The following CASP2 variants were observed in gnomAD, a reference collection of about 807,000 sequenced individuals.
CASP2 encodes the protein caspase 2, also known as caspase-2.
Under a neutral mutation model 54.4 loss-of-function variants are expected in CASP2, and 38 were observed. That is an observed-to-expected ratio of 0.70 (90% CI 0.54 to 0.92). The LOEUF (loss-of-function observed/expected upper bound fraction) is 0.92. Ranked by LOEUF, CASP2 falls within the 40% of genes least tolerant of loss-of-function variation. The pLI is 0.00. For synonymous variants in CASP2, 215 were observed against 216.3 expected (o/e 0.99, Z 0.05); for missense variants, 512 against 579.6 (o/e 0.88, Z 1.20).
At chr7:143,300,351 G>GCT in intron 8 of CASP2, 57 bp downstream of exon 8, 1 of 1,607,422 alleles carries the variant, frequency 6.2e-7, no homozygotes, top group South Asian at 1.1e-5. Flanking sequence ...CCTCCCACCA[G>GCT]CTCTCACTTT....
rs765842204 is a variant in CASP2 at position 143,291,709 on chromosome 7, G to A, written c.225+19G>A. The A allele has an allele frequency of 1.3e-5, 21 of 1,583,678 alleles. No homozygotes were observed. In the South Asian group the frequency reaches 2.3e-4, roughly 17 times the overall value. ...CATCCAGGTATCTGGAGGCAAAAGA[G>A]AGAAGATAAATTGATCATGGGGTGG... On this transcript the variant is annotated intron_variant, in intron 2 of 10. Coordinates refer to ENST00000310447, the MANE Select transcript of CASP2 (RefSeq NM_032982.4).
At chr7:143,304,806 C>T (rs775320685) in intron 10 of CASP2, 23 bp downstream of exon 10, 2 of 1,605,418 alleles carry the variant, frequency 1.2e-6, no homozygotes, top group Non-Finnish European at 1.7e-6. Flanking sequence ...GCTCCGTGAC[C>T]CCTGTGTGTC....
intron 6 of CASP2, among the ~76,000 whole-genome samples, chr7:143,297,698 C>T (rs562426969): frequency 9.2e-5 from 14 of 152,344 alleles, no homozygotes; most frequent in African/African-American, 2.6e-4. Context: ...CCACCCGCCT[C>T]GGCCTCCCGA....
intron 8 of CASP2, 44 bp from the exon 9 acceptor site, chr7:143,303,740 G>A (rs1196284158): frequency 6.3e-7 from 1 of 1,598,672 alleles, no homozygotes; most frequent in Non-Finnish European, 8.6e-7. Flanking sequence ...AAGAGAGATA[G>A]GAAGAAGTAA....
At chr7:143,299,602 G>A (rs1801854818) in intron 6 of CASP2, among the ~76,000 whole-genome samples, 1 of 152,164 alleles carries the variant, frequency 6.6e-6, no homozygotes, top group South Asian at 2.1e-4. Flanking sequence ...GAAGGATCTG[G>A]TTATGAACAG....
At chr7:143,299,229 A>AT (rs1034254272) in intron 6 of CASP2, among the ~76,000 whole-genome samples, 7 of 151,488 alleles carry the variant, frequency 4.6e-5, no homozygotes, top group Non-Finnish European at 8.8e-5. Flanking sequence ...TATCCTCATA[A>AT]TTTTTTTTTA....
At chr7:143,291,382 C>T (rs1048821991) in intron 1 of CASP2, among the ~76,000 whole-genome samples, 158 bp from the exon 2 acceptor site, 1 of 152,188 alleles carries the variant, frequency 6.6e-6, no homozygotes, top group African/African-American at 2.4e-5. Context: ...TGTGTTCCTG[C>T]TTAGTACATC....
chr7:143,288,479 T>G lies in CASP2; in HGVS notation c.24T>G (p.Ser8=), dbSNP rs1217692798. 1 of 1,613,294 alleles carries G rather than the reference T, an allele frequency of 6.2e-7. No individual in the cohort carries two copies. MAAPSAG[S]WSTFQHKELM... ...AAATGGCGGCGCCGAGCGCGGGGTC[T>G]TGGTCCACCTTCCAGCACAAGGAGC... Residue 8 remains serine (S), a synonymous_variant, in exon 1 of 11, where the codon TCT becomes TCG. Coordinates refer to ENST00000310447, the MANE Select transcript of CASP2 (RefSeq NM_032982.4).
intron 6 of CASP2, among the ~76,000 whole-genome samples, chr7:143,295,627 A>G (rs1586459750): frequency 1.3e-5 from 2 of 152,282 alleles, no homozygotes; most frequent in South Asian, 4.1e-4. Context: ...ATCTGTTGGG[A>G]TAGAGGATCT....
intron 8 of CASP2, chr7:143,301,848 CTG>C (rs747390259): frequency 7.2e-5 from 11 of 152,266 alleles, no homozygotes; most frequent in Non-Finnish European, 1.3e-4. Flanking sequence ...TTAGTCATAA[CTG>C]AGGTTTTGGA....
At chr7:143,294,445 G>A in intron 5 of CASP2, 121 bp downstream of exon 5, 1 of 1,021,374 alleles carries the variant, frequency 9.8e-7, no homozygotes, top group Non-Finnish European at 1.5e-6. Flanking sequence ...AGTTGTTACT[G>A]GTTAAATGCC....
In CASP2 at chr7:143,288,408, G is replaced by A; in HGVS notation, c.-48G>A. On this transcript the variant is annotated 5_prime_UTR_variant, in exon 1 of 11. Transcript: ENST00000310447. ...TGGGGGAAGCGACGGCCCCCGGTTT[G>A]TTTGGGCTGTGGGCGGTGCGCAGCG... 3.8e-6 allele frequency: 6 copies of A among 1,593,900 alleles called. No homozygotes were observed. The highest frequency in any genetic ancestry group is 5.2e-6 in the Non-Finnish European group (6 of 1,164,640).
At chr7:143,303,205 T>C (rs1801966158) in intron 8 of CASP2, 1 of 152,184 alleles carries the variant, frequency 6.6e-6, no homozygotes, top group Non-Finnish European at 1.5e-5. Flanking sequence ...ATGAAATTAA[T>C]AAACATAGTG....
At position 143,288,493 on chromosome 7, in the gene CASP2, A is replaced by C; in HGVS notation, c.38A>C (p.Gln13Pro). Reference sequence around the variant, plus strand: ...AGCGCGGGGTCTTGGTCCACCTTCCAGCACAAGGAGCTGATGGCCGCTGAC... The same window carrying C: ...AGCGCGGGGTCTTGGTCCACCTTCCCGCACAAGGAGCTGATGGCCGCTGAC... ...APSAGSWSTF[Q>P]HKELMAADRG... Residue 13 changes from glutamine (Q) to proline (P), a missense_variant, in exon 1 of 11, where the codon CAG (glutamine) becomes CCG (proline). Physicochemically the swap from Gln to Pro is moderately conservative, Grantham distance 76. Transcript: ENST00000310447. The C allele has an allele frequency of 6.2e-7, 1 of 1,613,422 alleles. No individual in the cohort carries two copies. Among genetic ancestry groups the C allele is most frequent in the Middle Eastern group, 1.7e-4 (1 of 5,794 alleles).
chr7:143,300,254 GA>G lies in CASP2; in HGVS notation c.929del (p.Asn310ThrfsTer47). The G allele has an allele frequency of 6.2e-7, 1 of 1,614,128 alleles. No individual in the cohort carries two copies. Among genetic ancestry groups the G allele is most frequent in the Non-Finnish European group, 8.5e-7 (1 of 1,180,036 alleles). ...FDNANCPSLQ[N>X]KPKMFFIQAC... ...ACAACGCCAACTGCCCAAGCCTACAGAACAAACCAAAAATGTTCTTCATCCA... is the reference window on the plus strand; with the variant it reads ...ACAACGCCAACTGCCCAAGCCTACAGACAAACCAAAAATGTTCTTCATCCA... On this transcript the variant is annotated frameshift_variant, in exon 8 of 11. Transcript: ENST00000310447. LOFTEE classifies it high-confidence loss of function.
At chr7:143,294,402 A>G (rs1339809113) in intron 5 of CASP2, 78 bp downstream of exon 5, 2 of 1,114,362 alleles carry the variant, frequency 1.8e-6, no homozygotes, top group Non-Finnish European at 2.7e-6. Context: ...CTTAGTTTGC[A>G]TGTACATTTC....
chr7:143,297,245 C>A (rs1801782878), intron 6 of CASP2, among the ~76,000 whole-genome samples: 2 of 152,178 alleles, frequency 1.3e-5, no homozygotes, highest in Admixed American at 6.5e-5. Context: ...AAAAACAAAT[C>A]TGCAGATCCT....
intron 8 of CASP2, chr7:143,300,752 C>T (rs370484400): frequency 7.4e-5 from 88 of 1,188,518 alleles, no homozygotes; most frequent in Non-Finnish European, 9.2e-5. Flanking sequence ...CCATGCTTGC[C>T]TCCTTTCTTC....
chr7:143,293,806 ATAGT>A (rs1356237372), intron 4 of CASP2, among the ~76,000 whole-genome samples: 20 of 152,162 alleles, frequency 1.3e-4, no homozygotes, highest in Admixed American at 1.0e-3. Flanking sequence ...GGTGTTATTA[ATAGT>A]TGGTCCATTT....
Sources: allele counts gnomAD v4.1 joint callset (sites outside exome capture counted in the v4.1 genomes callset), GRCh38; gene constraint gnomAD v4.1.1; transcripts MANE v1.5; gene names NCBI Gene and HGNC (gene_info 2026-07-23, HGNC 2026-07-21).